NKX2-5: variants seen among roughly 807,000 people sequenced by gnomAD.
The protein encoded by NKX2-5 is NK2 homeobox 5.
In NKX2-5, 3 loss-of-function variants were observed where a neutral mutation model predicts 24.5. The observed-to-expected ratio is 0.12, with a 90% CI of 0.06 to 0.32. NKX2-5 has a LOEUF of 0.32. Ranked by LOEUF, NKX2-5 falls within the 10% of genes least tolerant of loss-of-function variation. NKX2-5 has a pLI of 1.00. For synonymous variants in NKX2-5, 215 were observed against 217.6 expected, an observed-to-expected ratio of 0.99 and a Z score of 0.11; for missense variants, 429 against 452.4, an observed-to-expected ratio of 0.95 and a Z score of 0.47.
rs77083308 is a variant in NKX2-5 at position 173,235,189 on chromosome 5, T to C, written c.-106A>G. 3.1e-3 allele frequency: 3,602 copies of C among 1,157,310 alleles called. 80 individuals are homozygous for C. The African/African-American group carries it at 0.052, about 17-fold the overall frequency. The allele number at this position is 1,157,310 out of a possible 1,614,324, so 71.7% of individuals were successfully genotyped here. ...GTGCCGCCGCCCGCCCGCGCACCCGTCGGCCAGCTCTGGATGTGTCCGGGC... is the reference window on the plus strand; with the variant it reads ...GTGCCGCCGCCCGCCCGCGCACCCGCCGGCCAGCTCTGGATGTGTCCGGGC... On this transcript the variant is annotated 5_prime_UTR_variant, in exon 1 of 2. Coordinates refer to ENST00000329198, the MANE Select transcript of NKX2-5 (RefSeq NM_004387.4).
At chr5:173,234,012 C>G in intron 1 of NKX2-5, 6 of 1,266,576 alleles carry the variant, frequency 4.7e-6, no homozygotes, top group South Asian at 1.3e-5. Context: ...CCTCCCTCCC[C>G]GATCCTGGGA....
chr5:173,233,484 G>A (rs1463227694), intron 1 of NKX2-5: 2 of 1,105,042 alleles, frequency 1.8e-6, no homozygotes, highest in African/African-American at 1.6e-5. Flanking sequence ...GAGACAGACG[G>A]TGACTTAAAA....
In NKX2-5 at chr5:173,235,180, G is replaced by T. The variant is rs1000529990; in HGVS notation, c.-97C>A. Reference sequence around the variant, plus strand: ...CCCTGCATGGTGCCGCCGCCCGCCCGCGCACCCGTCGGCCAGCTCTGGATG... The same window carrying T: ...CCCTGCATGGTGCCGCCGCCCGCCCTCGCACCCGTCGGCCAGCTCTGGATG... On this transcript the variant is annotated 5_prime_UTR_variant, in exon 1 of 2. Transcript: ENST00000329198. 2 of 1,269,290 alleles carry T rather than the reference G, an allele frequency of 1.6e-6. No homozygotes were observed. The highest frequency in any genetic ancestry group is 2.2e-6 in the Non-Finnish European group (2 of 927,924). 78.6% of individuals were successfully genotyped at this position (1,269,290 alleles called of 1,614,324 possible). A position where few individuals can be genotyped will look rare whatever the true frequency, so the allele number is the denominator to read the frequency against.
intron 1 of NKX2-5, 58 bp from the exon 2 acceptor site, chr5:173,233,267 CGCG>C: frequency 1.3e-6 from 2 of 1,568,720 alleles, no homozygotes; most frequent in African/African-American, 2.7e-5. Context: ...ACCTACGGAG[CGCG>C]GCCGCACAGT....
chr5:173,233,735 A>T, intron 1 of NKX2-5: 1 of 611,250 alleles, frequency 1.6e-6, no homozygotes, highest in Non-Finnish European at 2.1e-6. Context: ...GGGTTTGCGC[A>T]GTGTCCAAGA....
At chr5:173,233,501 G>C in intron 1 of NKX2-5, 4 of 812,804 alleles carry the variant, frequency 4.9e-6, no homozygotes, top group South Asian at 2.0e-5. Flanking sequence ...AAAATTTCAG[G>C]CTGCAAAAAA....
In NKX2-5 at chr5:173,232,682, CGGCGGCAGT is replaced by C; in HGVS notation, c.853_861del (p.Thr285_Ala287del). On this transcript the variant is annotated inframe_deletion, in exon 2 of 2. Transcript: ENST00000329198. The surrounding 1 kb of genome is among the most constrained non-coding windows in gnomAD (Gnocchi z 5.9). ...CCGAAGTTCACGAAGTTGTTGTTGG[CGGCGGCAGT>C]GGCCGGCTGCGCTGGGGAAGGCCCG... The C allele has an allele frequency of 6.2e-7, 1 of 1,611,086 alleles. No homozygotes were observed. The highest frequency in any genetic ancestry group is 2.2e-5 in the East Asian group (1 of 44,804).
Position 173,233,943 on chromosome 5 carries a change from C to G in NKX2-5, c.335-734G>C, listed in dbSNP as rs1298373628. The stretch of plus-strand genomic sequence containing the variant: ...CGCCTGCGGCCTCCCGGGAATCGCC[C>G]GGGCTCCTGCCTTGGGCTGGGGGGT... On this transcript the variant is annotated intron_variant, in intron 1 of 1. Transcript: ENST00000329198. 7.6e-6 allele frequency: 9 copies of G among 1,188,614 alleles called. No homozygotes were observed. In the South Asian group the frequency reaches 1.2e-4, roughly 16 times the overall value. 73.6% of individuals were successfully genotyped at this position (1,188,614 alleles called of 1,614,324 possible).
At chr5:173,233,502 CTG>C in intron 1 of NKX2-5, 1 of 717,492 alleles carries the variant, frequency 1.4e-6, no homozygotes, top group Non-Finnish European at 2.1e-6. Context: ...AAATTTCAGG[CTG>C]CAAAAAAAAA....
At chr5:173,233,526 A>AAAT in intron 1 of NKX2-5, 5 of 885,670 alleles carry the variant, frequency 5.6e-6, no homozygotes, top group Admixed American at 2.4e-5. Flanking sequence ...AAAATAAATA[A>AAAT]AAAAATAAAA....
In NKX2-5 at chr5:173,232,267, C is replaced by G. The variant is rs1003904687; in HGVS notation, c.*302G>C. ...ATGGGCGGCCAGATCTCAGGCCCTG[C>G]GTGCCCGAGCTCAGTCCCAGTTCCA... On this transcript the variant is annotated 3_prime_UTR_variant, in exon 2 of 2. Transcript: ENST00000329198. The surrounding 1 kb of genome is among the most constrained non-coding windows in gnomAD (Gnocchi z 5.9). The G allele has an allele frequency of 4.5e-6, 2 of 443,110 alleles. No individual in the cohort carries two copies. Among genetic ancestry groups the G allele is most frequent in the Non-Finnish European group, 8.0e-6 (2 of 250,628 alleles). The allele number at this position is 443,110 out of a possible 1,614,324, so 27.4% of individuals were successfully genotyped here. A position where few individuals can be genotyped will look rare whatever the true frequency, so the allele number is the denominator to read the frequency against.
Position 173,235,149 on chromosome 5 carries a change from C to T in NKX2-5, c.-66G>A, listed in dbSNP as rs945779045. 15 of 1,505,764 alleles carry T rather than the reference C, an allele frequency of 1.0e-5. No homozygotes were observed. The highest frequency in any genetic ancestry group is 1.4e-5 in the African/African-American group (1 of 70,474). The allele number at this position is 1,505,764 out of a possible 1,614,324, so 93.3% of individuals were successfully genotyped here. A position where few individuals can be genotyped will look rare whatever the true frequency, so the allele number is the denominator to read the frequency against. Reference sequence around the variant, plus strand: ...AAGCGGCGCTGCCCACGGCCCCTGGCAGCTTCCCTGCATGGTGCCGCCGCC... The same window carrying T: ...AAGCGGCGCTGCCCACGGCCCCTGGTAGCTTCCCTGCATGGTGCCGCCGCC... On this transcript the variant is annotated 5_prime_UTR_variant, in exon 1 of 2. Transcript: ENST00000329198.
Position 173,232,812 on chromosome 5 carries a change from G to A in NKX2-5, c.732C>T (p.Gly244=). 1.2e-6 allele frequency: 2 copies of A among 1,611,942 alleles called. No individual in the cohort carries two copies. Among genetic ancestry groups the A allele is most frequent in the Non-Finnish European group, 1.7e-6 (2 of 1,179,516 alleles). The change falls in exon 2 of 2, where the codon GGC becomes GGT. Residue 244 remains glycine, a synonymous_variant. Coordinates refer to ENST00000329198, the MANE Select transcript of NKX2-5 (RefSeq NM_004387.4). The surrounding 1 kb of genome is among the most constrained non-coding windows in gnomAD (Gnocchi z 5.9). The part of the protein sequence containing the change: ...SAPYAPAYGV[G]LNPYGYNAYP... ...AGGCGTTATAACCGTAGGGATTGAGGCCCACGCCGTAGGCAGGCGCGTAGG... is the reference window on the plus strand; with the variant it reads ...AGGCGTTATAACCGTAGGGATTGAGACCCACGCCGTAGGCAGGCGCGTAGG...
At chr5:173,233,412 C>T (rs1761374286) in intron 1 of NKX2-5, 6 of 1,533,014 alleles carry the variant, frequency 3.9e-6, no homozygotes, top group African/African-American at 1.4e-5. Context: ...CAGGCTGGCT[C>T]AAGGCGCTGG....
chr5:173,234,295 C>T, intron 1 of NKX2-5: 1 of 985,400 alleles, frequency 1.0e-6, no homozygotes, highest in South Asian at 4.7e-5. Flanking sequence ...GGTCCAGGAC[C>T]CTCCTCCGAT....
chr5:173,233,213 A>AG lies in NKX2-5; in HGVS notation c.335-5dup, dbSNP rs1316920712. On this transcript the variant is annotated splice_region_variant and splice_polypyrimidine_tract_variant and intron_variant, in intron 1 of 1. Transcript: ENST00000329198. ...GCCTTCTGCAGCGCGCACAGCTCTGAGGGGGAACAGAGAGGCAGAGAGACG... is the reference window on the plus strand; with the variant it reads ...GCCTTCTGCAGCGCGCACAGCTCTGAGGGGGGAACAGAGAGGCAGAGAGACG... 1.3e-6 allele frequency: 2 copies of AG among 1,598,802 alleles called. No individual in the cohort carries two copies. Among genetic ancestry groups the AG allele is most frequent in the Non-Finnish European group, 8.5e-7 (1 of 1,178,878 alleles).
chr5:173,233,516 A>AAAT, intron 1 of NKX2-5: 1 of 819,152 alleles, frequency 1.2e-6, no homozygotes, highest in South Asian at 1.7e-5. Flanking sequence ...AAAAAAAAAA[A>AAAT]AAATAAATAA....
chr5:173,233,130 C>T lies in NKX2-5; in HGVS notation c.414G>A (p.Arg138=). 2 of 1,601,558 alleles carry T rather than the reference C, an allele frequency of 1.2e-6. No individual in the cohort carries two copies. Among genetic ancestry groups the T allele is most frequent in the Non-Finnish European group, 1.7e-6 (2 of 1,175,498 alleles). The change falls in exon 2 of 2, where the codon CGG becomes CGA. Residue 138 remains arginine, a synonymous_variant. Coordinates refer to ENST00000329198, the MANE Select transcript of NKX2-5 (RefSeq NM_004387.4). The part of the protein sequence containing the change: ...DNAERPRARR[R]RKPRVLFSQA... ...GCGAGAAGAGCACGCGCGGCTTCCTCCGCCGTCGCGCCCGGGGCCGCTCCG... is the reference window on the plus strand; with the variant it reads ...GCGAGAAGAGCACGCGCGGCTTCCTTCGCCGTCGCGCCCGGGGCCGCTCCG...
At chr5:173,234,679 T>G (rs576427028) in intron 1 of NKX2-5, 71 bp downstream of exon 1, 2 of 1,337,542 alleles carry the variant, frequency 1.5e-6, no homozygotes, top group African/African-American at 1.5e-5. Context: ...TGTCTCCTCC[T>G]CCTGGCCCTG....
Sources: gnomAD v4.1 joint callset for allele counts on GRCh38, gnomAD v4.1.1 for gene constraint, Gnocchi (gnomAD v3.1) non-coding constraint, MANE v1.5 for transcripts, NCBI Gene and HGNC (gene_info 2026-07-23, HGNC 2026-07-21) for gene names.